The following MYO3B variants were observed in gnomAD, a reference collection of about 807,000 sequenced individuals.
MYO3B encodes myosin IIIB, also known as myosin-IIIb.
In MYO3B, 156 loss-of-function variants were observed where a neutral mutation model predicts 174.6. The ratio of observed to expected loss-of-function variants is 0.89; its 90% confidence interval spans 0.78 to 1.02. The LOEUF is 1.02. MYO3B is among the 50% of genes least tolerant of loss of function. The pLI is 0.00. For synonymous variants in MYO3B, 563 were observed against 569.1 expected (o/e 0.99, Z 0.15); for missense variants, 1,632 against 1,639.4 (o/e 1.00, Z 0.08).
At chr2:170,648,739 T>G (rs1213244190) in intron 32 of MYO3B, among the ~76,000 whole-genome samples, 17 of 107,634 alleles carry the variant, frequency 1.6e-4, no homozygotes, top group African/African-American at 6.1e-4. Flanking sequence ...ATATATTATA[T>G]TCTATATAAT....
At chr2:170,428,454 G>A (rs1374337522) in intron 22 of MYO3B, among the ~76,000 whole-genome samples, 1 of 152,184 alleles carries the variant, frequency 6.6e-6, no homozygotes, top group Non-Finnish European at 1.5e-5. Flanking sequence ...AGAGCTGGAT[G>A]GAAGCCTAAC....
At chr2:170,599,074 A>G (rs374559771) in intron 32 of MYO3B, among the ~76,000 whole-genome samples, 4 of 152,100 alleles carry the variant, frequency 2.6e-5, no homozygotes, top group African/African-American at 7.2e-5. Context: ...TGGCTTGAAA[A>G]ATAGCTTTTG....
chr2:170,541,593 T>C (rs1208938539), intron 30 of MYO3B, among the ~76,000 whole-genome samples: 1 of 152,216 alleles, frequency 6.6e-6, no homozygotes, highest in Non-Finnish European at 1.5e-5. Flanking sequence ...TGAAGTAGTA[T>C]ATAAATGATA....
intron 28 of MYO3B, among the ~76,000 whole-genome samples, chr2:170,510,649 G>A (rs941056356): frequency 5.3e-5 from 8 of 151,084 alleles, no homozygotes; most frequent in Non-Finnish European, 7.4e-5. Context: ...CCAATGACTG[G>A]TGTCCTTATA....
intron 7 of MYO3B, among the ~76,000 whole-genome samples, chr2:170,315,874 C>T (rs1216617966): frequency 6.6e-6 from 1 of 152,202 alleles, no homozygotes; most frequent in Admixed American, 6.5e-5. Flanking sequence ...TCTGCAGGCT[C>T]TCCTAGCCTT....
intron 8 of MYO3B, chr2:170,341,187 AC>A (rs1194051072): frequency 6.6e-6 from 1 of 152,102 alleles, no homozygotes; most frequent in African/African-American, 2.4e-5. Flanking sequence ...GATAAAGCTA[AC>A]CATTTTGGGG....
chr2:170,387,379 G>A (rs2094384354), intron 14 of MYO3B, 71 bp downstream of exon 14: 2 of 1,406,966 alleles, frequency 1.4e-6, no homozygotes, highest in East Asian at 2.3e-5. Flanking sequence ...AATTTTAATG[G>A]TTCAGTTTTC....
intron 7 of MYO3B, among the ~76,000 whole-genome samples, chr2:170,310,043 C>A (rs938529966): frequency 6.6e-6 from 1 of 152,048 alleles, no homozygotes. Context: ...TGGATTTTTT[C>A]ACTTAGCATA....
chr2:170,611,344 T>C lies in MYO3B; in HGVS notation c.3734-40284T>C, dbSNP rs541875385. 2.0e-5 allele frequency among the ~76,000 whole-genome samples: 3 copies of C among 152,314 alleles called. No homozygotes were observed. In the South Asian group the frequency reaches 6.2e-4, roughly 32 times the overall value. ...TTCTATCAACAATGATTGGGCTTTT[T>C]TGTTTGTTTGTTTTTTTAAAGGGCA... is the stretch of plus-strand genomic sequence containing the variant. On this transcript the variant is annotated intron_variant, in intron 32 of 34. Transcript: ENST00000408978.
At chr2:170,303,227 A>G (rs1299286261) in intron 7 of MYO3B, among the ~76,000 whole-genome samples, 1 of 152,172 alleles carries the variant, frequency 6.6e-6, no homozygotes, top group African/African-American at 2.4e-5. Flanking sequence ...ATGTCTATGT[A>G]TCTACATCTT....
At chr2:170,332,965 C>G (rs1163797086) in intron 7 of MYO3B, among the ~76,000 whole-genome samples, 3 of 152,140 alleles carry the variant, frequency 2.0e-5, no homozygotes, top group African/African-American at 7.2e-5. Context: ...AGTGTTGAGC[C>G]TACTAGTGTC....
rs371136528 is a variant in MYO3B, at chr2:170,407,783, C to T, written c.2589C>T (p.Val863=). ...CTCTCCCTGCCGATGTGGTTGTGGT[C>T]CTGAGAACGTCAGAAAACAAGCTTC... ...RDTLPADVVV[V]LRTSENKLLQ... Residue 863 remains valine, a synonymous_variant, in exon 22 of 35, where the codon GTC becomes GTT. Transcript: ENST00000408978. 37 of 1,613,972 alleles carry T rather than the reference C, an allele frequency of 2.3e-5. No homozygotes were observed. The highest frequency in any genetic ancestry group is 1.2e-5 in the Non-Finnish European group (14 of 1,179,990).
At chr2:170,487,917 C>G (rs997300032) in intron 25 of MYO3B, among the ~76,000 whole-genome samples, 7 of 152,176 alleles carry the variant, frequency 4.6e-5, no homozygotes, top group African/African-American at 7.2e-5. Flanking sequence ...TTTCTCCTCT[C>G]CCTTCCATGA....
intron 7 of MYO3B, among the ~76,000 whole-genome samples, chr2:170,255,950 A>G (rs1402682794): frequency 6.6e-6 from 1 of 152,256 alleles, no homozygotes; most frequent in African/African-American, 2.4e-5. Flanking sequence ...GAAATAATCA[A>G]ACTGAACTTC....
intron 25 of MYO3B, among the ~76,000 whole-genome samples, chr2:170,471,415 A>G (rs1684969125): frequency 6.6e-6 from 1 of 152,010 alleles, no homozygotes; most frequent in Non-Finnish European, 1.5e-5. Context: ...AGTTCAATTT[A>G]TGTATGTTTT....
At chr2:170,607,426 A>G (rs1694883346) in intron 32 of MYO3B, among the ~76,000 whole-genome samples, 1 of 152,158 alleles carries the variant, frequency 6.6e-6, no homozygotes, top group Non-Finnish European at 1.5e-5. Flanking sequence ...AGCAGTTTTC[A>G]TCTAGATCAT....
chr2:170,414,241 G>T (rs1411493235), intron 22 of MYO3B, among the ~76,000 whole-genome samples: 1 of 151,990 alleles, frequency 6.6e-6, no homozygotes, highest in Non-Finnish European at 1.5e-5. Flanking sequence ...AGGCTGGAGT[G>T]CAATGGCGCG....
intron 32 of MYO3B, among the ~76,000 whole-genome samples, chr2:170,624,606 G>A (rs894102941): frequency 6.6e-6 from 1 of 152,110 alleles, no homozygotes; most frequent in East Asian, 1.9e-4. Context: ...CACTATGTTG[G>A]ATAGGAGTGG....
chr2:170,468,958 C>T (rs1405589235), intron 25 of MYO3B, among the ~76,000 whole-genome samples: 1 of 152,068 alleles, frequency 6.6e-6, no homozygotes, highest in Non-Finnish European at 1.5e-5. Context: ...AGTTCGAGAC[C>T]AGCCTGGCCA....
Sources: gnomAD v4.1 joint callset for allele counts (sites outside exome capture counted in the v4.1 genomes callset) on GRCh38, gnomAD v4.1.1 for gene constraint, MANE v1.5 for transcripts, NCBI Gene and HGNC (gene_info 2026-07-23, HGNC 2026-07-21) for gene names.